Variants in DAAM2 observed in about 807,000 individuals in gnomAD.
DAAM2 encodes disheveled-associated activator of morphogenesis 2.
A neutral mutation model predicts 120.7 loss-of-function variants in DAAM2; 39 were observed. That is an observed-to-expected ratio of 0.32 (90% CI 0.25 to 0.42). DAAM2 has a LOEUF of 0.42. Ranked by LOEUF, DAAM2 falls within the 10% of genes least tolerant of loss-of-function variation. The pLI is 1.00. For missense variants in DAAM2, 1,283 were observed against 1,401.7 expected, an observed-to-expected ratio of 0.92 and a Z score of 1.35; for synonymous variants, 488 against 524.9, an observed-to-expected ratio of 0.93 and a Z score of 0.96.
In DAAM2 at chr6:39,856,402, C is replaced by A; in HGVS notation, c.100C>A (p.Gln34Lys). Residue 34 changes from glutamine (Q) to lysine (K), a missense_variant, in exon 2 of 25, where the codon CAG becomes AAG. This residue lies in a region of DAAM2 where 197 missense variants were observed against 189.3 expected (regional missense o/e 1.04). Transcript: ENST00000274867. ...CAACCTCCGGGACAACCACCCTCTG[C>A]AGTTCATGGAGTTCTCCAGCCCCAT... ...EINLRDNHPL[Q>K]FMEFSSPIPN... The A allele has an allele frequency of 6.4e-7, 1 of 1,551,862 alleles. No individual in the cohort carries two copies. Among genetic ancestry groups the A allele is most frequent in the Non-Finnish European group, 8.7e-7 (1 of 1,148,844 alleles).
At chr6:39,883,726 T>A in intron 14 of DAAM2, 1 of 480,508 alleles carries the variant, frequency 2.1e-6, no homozygotes, top group Non-Finnish European at 3.7e-6. Context: ...AGAACATGTT[T>A]ACATGTGGCT....
chr6:39,891,566 G>T, intron 18 of DAAM2, 68 bp from the exon 19 acceptor site: 1 of 1,534,164 alleles, frequency 6.5e-7, no homozygotes, highest in East Asian at 2.4e-5. Flanking sequence ...ACTGGAGCTG[G>T]CTCCGGGAGC....
chr6:39,818,229 G>A (rs963218757), intron 1 of DAAM2, among the ~76,000 whole-genome samples: 3 of 149,476 alleles, frequency 2.0e-5, no homozygotes, highest in Non-Finnish European at 4.4e-5. Context: ...CTTTATACTG[G>A]TATTTGACCA....
intron 1 of DAAM2, among the ~76,000 whole-genome samples, chr6:39,825,070 G>T (rs1762618912): frequency 6.6e-6 from 1 of 152,160 alleles, no homozygotes; most frequent in Non-Finnish European, 1.5e-5. Flanking sequence ...GCTTAGCCAT[G>T]CAGGGCCTGG....
At chr6:39,861,976 C>G (rs1764230284) in intron 3 of DAAM2, 1 of 152,308 alleles carries the variant, frequency 6.6e-6, no homozygotes, top group Non-Finnish European at 1.5e-5. Flanking sequence ...AAGACTTTAT[C>G]CCATTCCGAG....
chr6:39,882,999 G>C (rs1765198235), intron 14 of DAAM2, among the ~76,000 whole-genome samples: 1 of 152,108 alleles, frequency 6.6e-6, no homozygotes, highest in African/African-American at 2.4e-5. Context: ...GGGAGGAAGA[G>C]GAGGCATTAA....
At chr6:39,898,080 G>C (rs184356120) in intron 21 of DAAM2, among the ~76,000 whole-genome samples, 1 of 152,296 alleles carries the variant, frequency 6.6e-6, no homozygotes, top group East Asian at 1.9e-4. Context: ...AGAAGAATGG[G>C]GAAGTGAGCC....
At chr6:39,840,788 G>A (rs1317781074) in intron 1 of DAAM2, among the ~76,000 whole-genome samples, 4 of 152,142 alleles carry the variant, frequency 2.6e-5, no homozygotes, top group African/African-American at 9.7e-5. Flanking sequence ...ATTACACTGT[G>A]CGACACTGTC....
At chr6:39,882,886 C>T (rs1765191840) in intron 14 of DAAM2, among the ~76,000 whole-genome samples, 2 of 152,084 alleles carry the variant, frequency 1.3e-5, no homozygotes, top group Admixed American at 1.3e-4. Flanking sequence ...AGGAATGTCC[C>T]CACCCCCTGA....
chr6:39,839,175 G>C (rs1001648214), intron 1 of DAAM2, among the ~76,000 whole-genome samples: 1 of 151,954 alleles, frequency 6.6e-6, no homozygotes, highest in Non-Finnish European at 1.5e-5. Context: ...TGAGGGATCC[G>C]CTCATAACTT....
intron 1 of DAAM2, among the ~76,000 whole-genome samples, chr6:39,827,716 G>T (rs1762726303): frequency 6.6e-6 from 1 of 152,116 alleles, no homozygotes; most frequent in South Asian, 2.1e-4. Flanking sequence ...GATACCCCTT[G>T]ACCCCCTTGG....
At chr6:39,875,491 C>G in intron 11 of DAAM2, 23 bp downstream of exon 11, 1 of 1,605,692 alleles carries the variant, frequency 6.2e-7, no homozygotes, top group Non-Finnish European at 8.5e-7. Context: ...CAGCCTTTGC[C>G]CTGTCTTCCT....
chr6:39,806,879 A>C (rs1264951424), intron 1 of DAAM2, among the ~76,000 whole-genome samples: 3 of 151,216 alleles, frequency 2.0e-5, no homozygotes, highest in South Asian at 2.1e-4. Context: ...CATGCTCATC[A>C]TACTGGATGT....
intron 7 of DAAM2, among the ~76,000 whole-genome samples, chr6:39,869,928 AT>A (rs1349844056): frequency 6.6e-6 from 1 of 152,038 alleles, no homozygotes; most frequent in African/African-American, 2.4e-5. Flanking sequence ...TCATCAGGTA[AT>A]TATAACAAGT....
chr6:39,848,609 T>C (rs1484280326), intron 1 of DAAM2: 1 of 152,192 alleles, frequency 6.6e-6, no homozygotes, highest in African/African-American at 2.4e-5. Flanking sequence ...CCCCTAGGCC[T>C]GCACAGAGGG....
intron 3 of DAAM2, among the ~76,000 whole-genome samples, chr6:39,863,987 G>A (rs1204062472): frequency 2.0e-5 from 3 of 152,140 alleles, no homozygotes; most frequent in Non-Finnish European, 4.4e-5. Flanking sequence ...AAAGACTTAA[G>A]TTTTTAAATT....
chr6:39,879,520 C>A, intron 14 of DAAM2, 43 bp downstream of exon 14: 1 of 1,613,536 alleles, frequency 6.2e-7, no homozygotes, highest in East Asian at 2.2e-5. Context: ...TCTTCTACAG[C>A]AGGGCAGTCA....
At chr6:39,892,873 T>C (rs1765819392) in intron 19 of DAAM2, among the ~76,000 whole-genome samples, 1 of 151,818 alleles carries the variant, frequency 6.6e-6, no homozygotes, top group Admixed American at 6.6e-5. Context: ...CCCCTCACAC[T>C]ACACACACAC....
intron 8 of DAAM2, 143 bp downstream of exon 8, chr6:39,870,586 G>T: frequency 1.5e-6 from 1 of 646,964 alleles, no homozygotes; most frequent in South Asian, 1.8e-5. Context: ...GCTCTGTGGG[G>T]GGAAGGGGTG....
Sources: gnomAD v4.1 joint callset for allele counts (sites outside exome capture counted in the v4.1 genomes callset) on GRCh38, gnomAD v4.1.1 for gene constraint, gnomAD v4.1.1 regional missense constraint, MANE v1.5 for transcripts, NCBI Gene and HGNC (gene_info 2026-07-23, HGNC 2026-07-21) for gene names.